The following MEI4 variants were observed in gnomAD, a reference collection of about 807,000 sequenced individuals.
The protein encoded by MEI4 is meiosis-specific protein MEI4.
MEI4 carries 27 observed loss-of-function variants against 31.4 expected under a neutral mutation model. The observed-to-expected ratio is 0.86, with a 90% CI of 0.63 to 1.19. The LOEUF (loss-of-function observed/expected upper bound fraction) is 1.19. MEI4 is among the 50% of genes most tolerant of loss of function. The pLI, the probability that MEI4 is intolerant of heterozygous loss-of-function variation, is 0.00. For synonymous variants in MEI4, 122 were observed against 145.4 expected, an observed-to-expected ratio of 0.84 and a Z score of 1.16; for missense variants, 329 against 398.9, an observed-to-expected ratio of 0.82 and a Z score of 1.49.
chr6:77,891,806 T>G (rs1771774685), intron 4 of MEI4, among the ~76,000 whole-genome samples: 1 of 152,326 alleles, frequency 6.6e-6, no homozygotes, highest in Non-Finnish European at 1.5e-5. Context: ...GTATCTATAA[T>G]GTTGATTCAA....
intron 2 of MEI4, among the ~76,000 whole-genome samples, chr6:77,727,898 T>C (rs968143888): frequency 4.6e-5 from 7 of 151,942 alleles, no homozygotes; most frequent in African/African-American, 1.4e-4. Flanking sequence ...GAAATCTCTG[T>C]CTCTTTGATC....
chr6:77,860,678 A>G (rs1198419994), intron 4 of MEI4, among the ~76,000 whole-genome samples: 1 of 151,442 alleles, frequency 6.6e-6, no homozygotes, highest in African/African-American at 2.5e-5. Flanking sequence ...ATAGACATAT[A>G]TATTATGTAT....
In MEI4 at chr6:77,847,306, A is replaced by C. The variant is rs1476814841; in HGVS notation, c.900+18244A>C. On this transcript the variant is annotated intron_variant, in intron 4 of 4. Transcript: ENST00000684080. This position sits in a 1 kb window ranked among gnomAD's most constrained non-coding sequence, Gnocchi z 4.6. ...AATTCAAGAGAAATGTTGAGTAAAT[A>C]CAGGAAATAAAGCCAATTATTTCCT... 6.6e-6 allele frequency among the ~76,000 whole-genome samples: 1 copy of C among 152,154 alleles called. No individual in the cohort carries two copies. Among genetic ancestry groups the C allele is most frequent in the Non-Finnish European group, 1.5e-5 (1 of 68,046 alleles).
At chr6:77,870,778 G>C (rs1316728149) in intron 4 of MEI4, among the ~76,000 whole-genome samples, 1 of 152,126 alleles carries the variant, frequency 6.6e-6, no homozygotes, top group Non-Finnish European at 1.5e-5. Context: ...AAGAAATGAA[G>C]TTTCCAAAAG....
intron 2 of MEI4, among the ~76,000 whole-genome samples, chr6:77,711,388 A>C (rs926126827): frequency 6.6e-6 from 1 of 152,226 alleles, no homozygotes; most frequent in African/African-American, 2.4e-5. Context: ...ATTACCTTGT[A>C]CACTGAAGAT....
In MEI4 at chr6:77,745,759, T is replaced by C. The variant is rs576223326; in HGVS notation, c.233-15371T>C. 5.2e-3 allele frequency among the ~76,000 whole-genome samples: 790 copies of C among 152,168 alleles called. 7 individuals carry two copies. The highest frequency in any genetic ancestry group is 0.019 in the African/African-American group (771 of 41,518). On this transcript the variant is annotated intron_variant, in intron 2 of 4. Coordinates refer to ENST00000684080, the MANE Select transcript of MEI4 (RefSeq NM_001322247.2). ...AGCAAATGTAAAAGAACAGAAATTA[T>C]AACAAACTCTCTCTCAGACCACAGT... is the stretch of plus-strand genomic sequence containing the variant.
At chr6:77,656,214 A>G (rs1292564140) in intron 1 of MEI4, among the ~76,000 whole-genome samples, 2 of 152,136 alleles carry the variant, frequency 1.3e-5, no homozygotes. Flanking sequence ...TGATTGTTGG[A>G]GAGAGAGATA....
chr6:77,869,959 C>A (rs1771151994), intron 4 of MEI4, among the ~76,000 whole-genome samples: 2 of 152,066 alleles, frequency 1.3e-5, no homozygotes, highest in South Asian at 4.1e-4. Context: ...CAGCTCCCCA[C>A]AACTCCTGGA....
intron 4 of MEI4, among the ~76,000 whole-genome samples, chr6:77,830,440 T>A (rs1275010349): frequency 1.3e-5 from 2 of 152,194 alleles, no homozygotes; most frequent in East Asian, 3.9e-4. Flanking sequence ...TGGATAAGAA[T>A]ACAAAACATT....
chr6:77,864,812 A>G lies in MEI4; in HGVS notation c.900+35750A>G, dbSNP rs1199098557. ...AGCACCACACCACACCTATTCCAAA[A>G]TTGACCACATAGGTGGAAGTAAAGC... On this transcript the variant is annotated intron_variant, in intron 4 of 4. Transcript: ENST00000684080. Among the ~76,000 whole-genome samples the G allele has an allele frequency of 3.9e-5, 6 of 152,334 alleles. No homozygotes were observed. In the East Asian group the frequency reaches 1.2e-3, roughly 29 times the overall value.
Position 77,905,798 on chromosome 6 carries a change from CT to C in MEI4, c.901-17278del, listed in dbSNP as rs1385534021. ...GGCGTGAGCCACTGAGCCGGGCCAGCTTTTTTTTTTTTTAATAATATAAGAT... is the reference window on the plus strand; with the variant it reads ...GGCGTGAGCCACTGAGCCGGGCCAGCTTTTTTTTTTTTAATAATATAAGAT... On this transcript the variant is annotated intron_variant, in intron 4 of 4. Coordinates refer to ENST00000684080, the MANE Select transcript of MEI4 (RefSeq NM_001322247.2). Among the ~76,000 whole-genome samples, 436 of 139,612 alleles carry C rather than the reference CT, an allele frequency of 3.1e-3. 1 individual carries two copies. The highest frequency in any genetic ancestry group is 5.6e-3 in the African/African-American group (215 of 38,530). The allele number at this position is 139,612 out of a possible 152,430, so 91.6% of individuals were successfully genotyped here. A position where few individuals can be genotyped will look rare whatever the true frequency, so the allele number is the denominator to read the frequency against.
At chr6:77,897,810 T>G (rs1766114942) in intron 4 of MEI4, among the ~76,000 whole-genome samples, 1 of 151,948 alleles carries the variant, frequency 6.6e-6, no homozygotes, top group African/African-American at 2.4e-5. Context: ...CACCAATCTA[T>G]ACCCCTCACT....
intron 3 of MEI4, among the ~76,000 whole-genome samples, chr6:77,769,599 A>T (rs1257909762): frequency 6.6e-6 from 1 of 151,996 alleles, no homozygotes; most frequent in South Asian, 2.1e-4. Flanking sequence ...GACCCCTTCC[A>T]TCTGCTTGAG....
At chr6:77,810,379 G>GTT (rs1294062716) in intron 3 of MEI4, among the ~76,000 whole-genome samples, 3 of 152,142 alleles carry the variant, frequency 2.0e-5, no homozygotes, top group African/African-American at 7.2e-5. Context: ...AATAGGAGCA[G>GTT]TTTGTCACAG....
chr6:77,858,344 C>G (rs1005040182), intron 4 of MEI4, among the ~76,000 whole-genome samples: 8 of 152,032 alleles, frequency 5.3e-5, no homozygotes, highest in Non-Finnish European at 8.8e-5. Flanking sequence ...AAGGCATATA[C>G]AACTGATCAG....
At chr6:77,707,579 G>T (rs1766360999) in intron 2 of MEI4, among the ~76,000 whole-genome samples, 1 of 152,170 alleles carries the variant, frequency 6.6e-6, no homozygotes, top group Admixed American at 6.5e-5. Flanking sequence ...TTGACTAAAA[G>T]GGAGTCAAGT....
intron 2 of MEI4, among the ~76,000 whole-genome samples, chr6:77,698,667 G>C (rs755883623): frequency 6.6e-6 from 1 of 152,186 alleles, no homozygotes; most frequent in Non-Finnish European, 1.5e-5. Context: ...CCCCTTGTGG[G>C]TAACCATACC....
rs144284316 is a variant in MEI4 at position 77,903,540 on chromosome 6, C to T, written c.901-19549C>T. Among the ~76,000 whole-genome samples, 245 of 152,158 alleles carry T rather than the reference C, an allele frequency of 1.6e-3. 3 individuals are homozygous for T. Among genetic ancestry groups the T allele is most frequent in the African/African-American group, 5.7e-3 (238 of 41,544 alleles). On this transcript the variant is annotated intron_variant, in intron 4 of 4. Transcript: ENST00000684080. ...TACAATGGGTTTATTCAAATGTAAT[C>T]CCATTGTAAGTTGAGGAACATCTGT...
At chr6:77,851,820 C>T (rs574946610) in intron 4 of MEI4, among the ~76,000 whole-genome samples, 3 of 151,864 alleles carry the variant, frequency 2.0e-5, no homozygotes, top group Non-Finnish European at 4.4e-5. Context: ...AAGGGGAGAT[C>T]GTGATAGCTT....
Sources: gnomAD v4.1 joint callset for allele counts (sites outside exome capture counted in the v4.1 genomes callset) on GRCh38, gnomAD v4.1.1 for gene constraint, Gnocchi (gnomAD v3.1) non-coding constraint, MANE v1.5 for transcripts, NCBI Gene and HGNC (gene_info 2026-07-23, HGNC 2026-07-21) for gene names.